Variants in SCAP observed in about 807,000 individuals in gnomAD.
The protein encoded by SCAP is sterol regulatory element-binding protein cleavage-activating protein.
SCAP carries 65 observed loss-of-function variants against 123.6 expected under a neutral mutation model. The ratio of observed to expected loss-of-function variants is 0.53; its 90% CI spans 0.43 to 0.65. The LOEUF (loss-of-function observed/expected upper bound fraction) is 0.65, where lower values mean the gene tolerates loss of function less well. SCAP is among the 30% of genes least tolerant of loss of function. The pLI is 0.00. For synonymous variants in SCAP, 740 were observed against 726.3 expected, an observed-to-expected ratio of 1.02 and a Z score of -0.30; for missense variants, 1,398 against 1,712.5, an observed-to-expected ratio of 0.82 and a Z score of 3.24.
intron 1 of SCAP, among the ~76,000 whole-genome samples, chr3:47,457,677 G>A (rs944636760): frequency 6.6e-6 from 1 of 152,104 alleles, no homozygotes; most frequent in Middle Eastern, 3.2e-3. Flanking sequence ...GGAGGCCGAG[G>A]TGGGTGGGTC....
At chr3:47,473,099 A>AAAAAAAAAAAAAAAAAAAAAC (rs1559576281) in intron 1 of SCAP, among the ~76,000 whole-genome samples, 2 of 148,222 alleles carry the variant, frequency 1.3e-5, no homozygotes, top group African/African-American at 2.5e-5. Context: ...AAAAAAAAAA[A>AAAAAAAAAAAAAAAAAAAAAC]CAGACTGTGG....
rs892915479 is a variant in SCAP, at chr3:47,418,855, C to G, written c.1941-12G>C. 6 of 1,511,818 alleles carry G rather than the reference C, an allele frequency of 4.0e-6. No individual in the cohort carries two copies. Among genetic ancestry groups the G allele is most frequent in the Non-Finnish European group, 5.3e-6 (6 of 1,132,896 alleles). The allele number at this position is 1,511,818 out of a possible 1,614,324, so 93.7% of individuals were successfully genotyped here. ...GCAGGCTGATGTACCTGGATTCGGACAGTGGGCAGCCTCAGCGGGGGGCCT... is the reference window on the plus strand; with the variant it reads ...GCAGGCTGATGTACCTGGATTCGGAGAGTGGGCAGCCTCAGCGGGGGGCCT... On this transcript the variant is annotated splice_polypyrimidine_tract_variant and intron_variant, in intron 13 of 22. Transcript: ENST00000265565.
At chr3:47,429,036 C>T (rs1219635630) in intron 3 of SCAP, 1 of 200,278 alleles carries the variant, frequency 5.0e-6, no homozygotes, top group Non-Finnish European at 1.0e-5. Context: ...CAAGAGATAA[C>T]TGGGCATGCT....
intron 1 of SCAP, among the ~76,000 whole-genome samples, chr3:47,468,579 T>C (rs1707919789): frequency 6.6e-6 from 1 of 152,240 alleles, no homozygotes; most frequent in Non-Finnish European, 1.5e-5. Context: ...GATTTTTTTC[T>C]TGTAAATCTG....
intron 3 of SCAP, among the ~76,000 whole-genome samples, chr3:47,429,602 G>A (rs1706280589): frequency 6.6e-6 from 1 of 152,146 alleles, no homozygotes; most frequent in Non-Finnish European, 1.5e-5. Flanking sequence ...TCCCATTTTG[G>A]CCTCCCGAAG....
At chr3:47,454,107 C>G (rs919395791) in intron 1 of SCAP, among the ~76,000 whole-genome samples, 1 of 152,178 alleles carries the variant, frequency 6.6e-6, no homozygotes, top group Non-Finnish European at 1.5e-5. Flanking sequence ...GTGGCTCATG[C>G]CTGTAATCCC....
intron 3 of SCAP, among the ~76,000 whole-genome samples, chr3:47,430,413 C>T (rs1385019287): frequency 6.6e-6 from 1 of 152,150 alleles, no homozygotes; most frequent in Non-Finnish European, 1.5e-5. Flanking sequence ...GCTGGGTCAG[C>T]CACAGCAGAG....
At chr3:47,462,753 C>CAAA (rs369097240) in intron 1 of SCAP, among the ~76,000 whole-genome samples, 19 of 79,564 alleles carry the variant, frequency 2.4e-4, no homozygotes, top group South Asian at 1.6e-3. Flanking sequence ...AACTCCGTCT[C>CAAA]AAAAAAAAAA....
chr3:47,466,649 A>T (rs1707840000), intron 1 of SCAP, among the ~76,000 whole-genome samples: 1 of 152,192 alleles, frequency 6.6e-6, no homozygotes, highest in South Asian at 2.1e-4. Flanking sequence ...AAATAGATCA[A>T]ATAAATGAAA....
intron 1 of SCAP, among the ~76,000 whole-genome samples, chr3:47,466,390 C>A (rs1228768947): frequency 6.6e-6 from 1 of 152,100 alleles, no homozygotes; most frequent in African/African-American, 2.4e-5. Flanking sequence ...GTGTTTCACA[C>A]ACATGTGAGA....
intron 1 of SCAP, among the ~76,000 whole-genome samples, chr3:47,473,207 A>C (rs1440821542): frequency 6.6e-6 from 1 of 151,920 alleles, no homozygotes; most frequent in Non-Finnish European, 1.5e-5. Context: ...TAGGTGACCC[A>C]GGGCCAGTCA....
chr3:47,417,200 T>C lies in SCAP; in HGVS notation c.2978A>G (p.Asp993Gly). Residue 993 changes from aspartate (D) to glycine (G), a missense_variant, in exon 18 of 23, where the codon GAC becomes GGC. By Grantham distance (94) the Asp-to-Gly change is moderately conservative. Transcript: ENST00000265565. ...GRSSGRLEVW[D>G]AIEGVLCCSS... is the part of the protein sequence containing the mutation. Reference sequence around the variant, plus strand: ...GCAGCACAGCACCCCTTCAATGGCGTCCCACACCTACGAGTCCAGAGGCTG... The same window carrying C: ...GCAGCACAGCACCCCTTCAATGGCGCCCCACACCTACGAGTCCAGAGGCTG... 1.2e-6 allele frequency: 2 copies of C among 1,612,954 alleles called. No individual in the cohort carries two copies. The highest frequency in any genetic ancestry group is 1.7e-6 in the Non-Finnish European group (2 of 1,179,992).
In SCAP at chr3:47,419,399, T is replaced by G; in HGVS notation, c.1869A>C (p.Glu623Asp). 2 of 1,613,396 alleles carry G rather than the reference T, an allele frequency of 1.2e-6. No individual in the cohort carries two copies. The highest frequency in any genetic ancestry group is 1.7e-6 in the Non-Finnish European group (2 of 1,179,862). ...GGCGGAAGGACAATTTCCTCCAAAG[T>G]TCCTCATCCTCAGGCCCCCAGGTTA... ...PEVTWGPEDE[E>D]LWRKLSFRHW... The change falls in exon 13 of 23, where the codon GAA becomes GAC. Residue 623 changes from glutamate (E) to aspartate (D), a missense_variant. Transcript: ENST00000265565. The surrounding 1 kb of genome is among the most constrained non-coding windows in gnomAD (Gnocchi z 5.0).
intron 1 of SCAP, among the ~76,000 whole-genome samples, chr3:47,446,024 C>T (rs191161078): frequency 6.0e-5 from 9 of 150,880 alleles, no homozygotes; most frequent in African/African-American, 1.2e-4. Context: ...TACAGATGCG[C>T]GCCACCACGC....
intron 1 of SCAP, among the ~76,000 whole-genome samples, chr3:47,462,609 C>T (rs983866476): frequency 2.6e-5 from 4 of 151,882 alleles, no homozygotes; most frequent in Admixed American, 1.3e-4. Flanking sequence ...AAAAATTAGC[C>T]GGGCGTGGTG....
intron 16 of SCAP, 130 bp downstream of exon 16, chr3:47,418,004 T>TG (rs1705701919): frequency 4.2e-6 from 1 of 236,552 alleles, no homozygotes; most frequent in Admixed American, 4.1e-5. Flanking sequence ...GGTGCGGGGG[T>TG]GGGGGGAGAG....
Position 47,417,802 on chromosome 3 carries a change from C to A in SCAP, c.2472G>T (p.Val824=). 6.6e-7 allele frequency: 1 copy of A among 1,518,936 alleles called. No homozygotes were observed. Among genetic ancestry groups the A allele is most frequent in the East Asian group, 2.5e-5 (1 of 39,634 alleles). 94.1% of individuals were successfully genotyped at this position (1,518,936 alleles called of 1,614,324 possible). ...RPGRQRRDSG[V]GSGLEAQESW... is the part of the protein sequence containing the mutation. Reference sequence around the variant, plus strand: ...TCTCCTGAGCCTCAAGCCCGCTGCCCACGCCACTGTCCCGGCGCTGCCTGC... The same window carrying A: ...TCTCCTGAGCCTCAAGCCCGCTGCCAACGCCACTGTCCCGGCGCTGCCTGC... Residue 824 remains valine, a synonymous_variant, in exon 17 of 23, where the codon GTG becomes GTT. Transcript: ENST00000265565.
Position 47,417,393 on chromosome 3 carries a change from C to G in SCAP, c.2881G>C (p.Ala961Pro), listed in dbSNP as rs377731584. The change falls in exon 17 of 23, where the codon GCC (alanine) becomes CCC (proline). Residue 961 changes from alanine to proline, a missense_variant. Around this residue, in one of 7 missense-constraint regions of SCAP, gnomAD observed 828 missense variants for 882.5 expected, o/e 0.94. Coordinates refer to ENST00000265565, the MANE Select transcript of SCAP (RefSeq NM_012235.4). ...GSPEKGSPSLAWAPSAEGSIW... is the reference protein window; with the variant it reads ...GSPEKGSPSLPWAPSAEGSIW... ...GAACCCTCGGCACTGGGGGCCCAGG[C>G]GAGGGAAGGGGAGCCTTTCTCGGGG... 68 of 1,593,542 alleles carry G rather than the reference C, an allele frequency of 4.3e-5. No individual in the cohort carries two copies. The highest frequency in any genetic ancestry group is 5.8e-5 in the Non-Finnish European group (68 of 1,171,338).
At chr3:47,457,417 G>A (rs1707467804) in intron 1 of SCAP, among the ~76,000 whole-genome samples, 1 of 152,130 alleles carries the variant, frequency 6.6e-6, no homozygotes, top group Non-Finnish European at 1.5e-5. Flanking sequence ...TGGATTGACT[G>A]CGTTCCCCTT....
Sources: allele counts gnomAD v4.1 joint callset (sites outside exome capture counted in the v4.1 genomes callset), GRCh38; gene constraint gnomAD v4.1.1; regional missense constraint gnomAD v4.1.1; non-coding constraint Gnocchi (gnomAD v3.1); transcripts MANE v1.5; gene names NCBI Gene and HGNC (gene_info 2026-07-23, HGNC 2026-07-21).